GRM1: variants seen among roughly 807,000 people sequenced by gnomAD.
GRM1 encodes metabotropic glutamate receptor 1.
GRM1 carries 33 observed loss-of-function variants against 90.9 expected under a neutral mutation model. That is an observed-to-expected ratio of 0.36 (90% confidence interval 0.28 to 0.49). The LOEUF (loss-of-function observed/expected upper bound fraction) is 0.49. GRM1 is among the 20% of genes least tolerant of loss of function. The pLI is 0.99. For synonymous variants in GRM1, 700 were observed against 613.2 expected, an observed-to-expected ratio of 1.14 and a Z score of -2.09; for missense variants, 1,190 against 1,534.3, an observed-to-expected ratio of 0.78 and a Z score of 3.75.
chr6:146,126,263 G>T (rs1253571420), intron 1 of GRM1, among the ~76,000 whole-genome samples: 4 of 151,948 alleles, frequency 2.6e-5, no homozygotes, highest in African/African-American at 9.7e-5. Flanking sequence ...TATGAACATA[G>T]TTCATATTGA....
chr6:146,294,609 A>G (rs1783111854), intron 2 of GRM1, among the ~76,000 whole-genome samples: 1 of 152,144 alleles, frequency 6.6e-6, no homozygotes, highest in Non-Finnish European at 1.5e-5. Context: ...AATATTCTAA[A>G]TCTCTAACAA....
intron 2 of GRM1, among the ~76,000 whole-genome samples, chr6:146,239,941 A>C (rs1035795384): frequency 3.3e-5 from 5 of 152,096 alleles, no homozygotes; most frequent in African/African-American, 1.2e-4. Context: ...AGGTCATGAG[A>C]AGAGCACAAG....
At chr6:146,108,792 A>C (rs1775430057) in intron 1 of GRM1, among the ~76,000 whole-genome samples, 1 of 152,196 alleles carries the variant, frequency 6.6e-6, no homozygotes, top group Non-Finnish European at 1.5e-5. Context: ...CCAAAATGCT[A>C]ATAATGATAT....
chr6:146,368,253 T>A (rs1221411721), intron 5 of GRM1, among the ~76,000 whole-genome samples: 11 of 127,522 alleles, frequency 8.6e-5, no homozygotes, highest in African/African-American at 3.0e-4. Flanking sequence ...TTTCTACAGT[T>A]TTTTTTTGGG....
intron 2 of GRM1, among the ~76,000 whole-genome samples, chr6:146,300,172 C>T (rs1045227588): frequency 5.9e-5 from 9 of 152,158 alleles, no homozygotes; most frequent in Admixed American, 2.6e-4. Context: ...ATTACTTGAA[C>T]TCATAACACA....
intron 5 of GRM1, among the ~76,000 whole-genome samples, chr6:146,384,581 C>A (rs1776432911): frequency 1.3e-5 from 2 of 152,054 alleles, no homozygotes; most frequent in Non-Finnish European, 1.5e-5. Flanking sequence ...CACTCTACAC[C>A]TTAATGCACA....
intron 2 of GRM1, among the ~76,000 whole-genome samples, chr6:146,269,423 C>T (rs901715609): frequency 1.2e-4 from 18 of 152,274 alleles, no homozygotes; most frequent in African/African-American, 4.3e-4. Flanking sequence ...CTTTAAAACA[C>T]TGATAGAAAG....
At chr6:146,074,565 C>T (rs542983129) in intron 1 of GRM1, among the ~76,000 whole-genome samples, 2 of 152,216 alleles carry the variant, frequency 1.3e-5, no homozygotes, top group South Asian at 4.1e-4. Flanking sequence ...TTCTCCTGTG[C>T]CCAGGATTGC....
chr6:146,166,187 C>T (rs148739074), intron 2 of GRM1, among the ~76,000 whole-genome samples: 9 of 152,242 alleles, frequency 5.9e-5, no homozygotes, highest in Non-Finnish European at 8.8e-5. Flanking sequence ...TCACAATCAG[C>T]AGACACACTT....
chr6:146,309,963 A>G (rs1467987827), intron 3 of GRM1, among the ~76,000 whole-genome samples: 1 of 152,208 alleles, frequency 6.6e-6, no homozygotes, highest in Non-Finnish European at 1.5e-5. Flanking sequence ...TTCACACCTC[A>G]GTGAAGTTAT....
intron 2 of GRM1, among the ~76,000 whole-genome samples, chr6:146,212,371 A>T (rs1444501960): frequency 1.3e-5 from 2 of 152,196 alleles, no homozygotes; most frequent in South Asian, 2.1e-4. Context: ...TCCCAAAAAG[A>T]TTTCATTTTG....
chr6:146,036,631 G>A (rs1790900967), intron 1 of GRM1, among the ~76,000 whole-genome samples: 1 of 151,876 alleles, frequency 6.6e-6, no homozygotes, highest in Admixed American at 6.6e-5. Flanking sequence ...GAACATTAAT[G>A]TTTTTATGAA....
intron 7 of GRM1, among the ~76,000 whole-genome samples, chr6:146,426,906 T>C (rs1465482741): frequency 6.6e-6 from 1 of 152,182 alleles, no homozygotes; most frequent in African/African-American, 2.4e-5. Context: ...TCACTTTTGT[T>C]TGTGACTCCC....
intron 1 of GRM1, among the ~76,000 whole-genome samples, chr6:146,129,372 A>G (rs1175580608): frequency 6.6e-6 from 1 of 152,180 alleles, no homozygotes; most frequent in Non-Finnish European, 1.5e-5. Context: ...TTCATTAAAC[A>G]AGACAAAGAA....
At chr6:146,411,872 A>G (rs951670671) in intron 7 of GRM1, among the ~76,000 whole-genome samples, 32 of 152,194 alleles carry the variant, frequency 2.1e-4, no homozygotes, top group African/African-American at 7.2e-4. Context: ...AAACATACTA[A>G]AACATGACTG....
At chr6:146,079,705 A>G (rs1776299763) in intron 1 of GRM1, among the ~76,000 whole-genome samples, 1 of 152,206 alleles carries the variant, frequency 6.6e-6, no homozygotes. Context: ...CTAAGCAGTC[A>G]ATGAAAGAGC....
chr6:146,348,069 G>C (rs1785247508), intron 3 of GRM1, among the ~76,000 whole-genome samples: 1 of 152,160 alleles, frequency 6.6e-6, no homozygotes, highest in Admixed American at 6.6e-5. Context: ...ATTACAAAAA[G>C]TAATGGTTTA....
intron 2 of GRM1, among the ~76,000 whole-genome samples, chr6:146,299,432 G>C (rs1783297147): frequency 6.6e-6 from 1 of 151,952 alleles, no homozygotes; most frequent in Admixed American, 6.6e-5. Context: ...TAAATATTTG[G>C]ATCCTCTTAT....
At chr6:146,262,399 A>T (rs180859321) in intron 2 of GRM1, among the ~76,000 whole-genome samples, 97 of 152,136 alleles carry the variant, frequency 6.4e-4, no homozygotes, top group South Asian at 2.5e-3. Context: ...ATTAAACTAT[A>T]TGTGTGTGTC....
Sources: allele counts gnomAD v4.1 joint callset (sites outside exome capture counted in the v4.1 genomes callset), GRCh38; gene constraint gnomAD v4.1.1; transcripts MANE v1.5; gene names NCBI Gene and HGNC (gene_info 2026-07-23, HGNC 2026-07-21).